The following ENOX1 variants were observed in gnomAD, a reference collection of about 807,000 sequenced individuals.
ENOX1 encodes the protein candidate growth-related and time keeping constitutive hydroquinone (NADH) oxidase.
In ENOX1, 42 loss-of-function variants were observed where a neutral mutation model predicts 82.5. That is an observed-to-expected ratio of 0.51 (90% confidence interval 0.40 to 0.66). The LOEUF (loss-of-function observed/expected upper bound fraction) is 0.66, where lower values mean the gene tolerates loss of function less well. ENOX1 is among the 30% of genes least tolerant of loss of function. ENOX1 has a pLI of 0.00. For synonymous variants in ENOX1, 271 were observed against 282.2 expected (o/e 0.96, Z 0.40); for missense variants, 608 against 811.6 (o/e 0.75, Z 3.05).
At position 43,768,420 on chromosome 13, in the gene ENOX1, AG is replaced by A. The variant is rs373126900; in HGVS notation, c.-285+18231del. Among the ~76,000 whole-genome samples the A allele has an allele frequency of 1.9e-3, 293 of 152,286 alleles. 2 individuals carry two copies. The highest frequency in any genetic ancestry group is 6.7e-3 in the African/African-American group (280 of 41,552). On this transcript the variant is annotated intron_variant, in intron 1 of 16. Coordinates refer to ENST00000690772, the MANE Select transcript of ENOX1 (RefSeq NM_001347969.2). ...AGTTTAAGACCAGCCTGGGCAACAT[AG>A]TGAGATCCTGTCTCTGCAACAAAAC...
At chr13:43,525,075 T>C (rs1484653424) in intron 2 of ENOX1, among the ~76,000 whole-genome samples, 1 of 152,176 alleles carries the variant, frequency 6.6e-6, no homozygotes, top group Admixed American at 6.5e-5. Flanking sequence ...TATTAAATAA[T>C]GTATATTTTT....
chr13:43,651,683 C>T (rs1024021448), intron 2 of ENOX1, among the ~76,000 whole-genome samples: 4 of 61,264 alleles, frequency 6.5e-5, no homozygotes, highest in South Asian at 5.1e-4. Context: ...GGCGACATAG[C>T]GAGACTCTGT....
At chr13:43,265,225 C>A (rs1051117695) in intron 14 of ENOX1, among the ~76,000 whole-genome samples, 173 bp downstream of exon 14, 1 of 152,186 alleles carries the variant, frequency 6.6e-6, no homozygotes, top group East Asian at 1.9e-4. Flanking sequence ...ATAAACTAGG[C>A]TGACAATAGC....
rs1199358931 is a variant in ENOX1, at chr13:43,315,240, A to C, written c.1261+7144T>G. ...ACCAGGTATTATTTTTATTCAAAAA[A>C]CAACTTTCATTTTTTAAAATGTTAC... On this transcript the variant is annotated intron_variant, in intron 11 of 16. Transcript: ENST00000690772. Among the ~76,000 whole-genome samples, 8 of 152,346 alleles carry C rather than the reference A, an allele frequency of 5.3e-5. No homozygotes were observed. The East Asian group carries it at 1.3e-3, about 26-fold the overall frequency.
chr13:43,226,856 C>T (rs967609985), intron 15 of ENOX1, among the ~76,000 whole-genome samples: 2 of 152,164 alleles, frequency 1.3e-5, no homozygotes, highest in Middle Eastern at 3.2e-3. Flanking sequence ...CGCAGCAGGG[C>T]TGAGACAGGG....
chr13:43,260,683 T>C (rs2044006399), intron 14 of ENOX1, among the ~76,000 whole-genome samples: 1 of 152,142 alleles, frequency 6.6e-6, no homozygotes, highest in South Asian at 2.1e-4. Context: ...TATATACATA[T>C]ATATTTACAA....
In ENOX1 at chr13:43,456,618, T is replaced by C. The variant is rs971794924; in HGVS notation, c.-75+27391A>G. Among the ~76,000 whole-genome samples the C allele has an allele frequency of 2.6e-5, 4 of 152,136 alleles. No individual in the cohort carries two copies. In the South Asian group the frequency reaches 8.3e-4, roughly 32 times the overall value. On this transcript the variant is annotated intron_variant, in intron 3 of 16. Transcript: ENST00000690772. ...GTTCCCTGGGAGCTATGTCAGGGAA[T>C]AGTCCAGGAGGGTTTCACCTGTTCT...
intron 5 of ENOX1, among the ~76,000 whole-genome samples, chr13:43,385,777 C>T (rs2052371769): frequency 6.6e-6 from 1 of 152,182 alleles, no homozygotes; most frequent in Non-Finnish European, 1.5e-5. Flanking sequence ...TACATCAAGA[C>T]ACATGTAGTG....
At chr13:43,759,288 C>T (rs535442901) in intron 1 of ENOX1, among the ~76,000 whole-genome samples, 5 of 151,840 alleles carry the variant, frequency 3.3e-5, no homozygotes, top group South Asian at 4.2e-4. Flanking sequence ...AGTAGAGACA[C>T]GGTTTCACCA....
intron 1 of ENOX1, among the ~76,000 whole-genome samples, chr13:43,770,686 TACACACACACACAC>T (rs149111203): frequency 1.7e-3 from 253 of 146,244 alleles, no homozygotes; most frequent in African/African-American, 5.4e-3. Context: ...TACGTATGTG[TACACACACACACAC>T]ACACACACAC....
intron 3 of ENOX1, among the ~76,000 whole-genome samples, chr13:43,469,081 T>C (rs1042452214): frequency 6.6e-6 from 1 of 152,212 alleles, no homozygotes; most frequent in Non-Finnish European, 1.5e-5. Context: ...AGTCTTTCAC[T>C]AATAACTGTA....
intron 14 of ENOX1, among the ~76,000 whole-genome samples, chr13:43,257,913 T>TG (rs1490334405): frequency 2.0e-5 from 3 of 152,246 alleles, no homozygotes; most frequent in Non-Finnish European, 4.4e-5. Flanking sequence ...TTGTTTCCTT[T>TG]GCCTGATTTT....
At chr13:43,748,595 G>A (rs777714727) in intron 1 of ENOX1, among the ~76,000 whole-genome samples, 1 of 152,000 alleles carries the variant, frequency 6.6e-6, no homozygotes, top group Non-Finnish European at 1.5e-5. Context: ...CCTGACCTTG[G>A]GCAAGTCGGT....
At chr13:43,515,631 A>C (rs376308388) in intron 2 of ENOX1, among the ~76,000 whole-genome samples, 35 of 152,296 alleles carry the variant, frequency 2.3e-4, no homozygotes, top group African/African-American at 7.0e-4. Flanking sequence ...GACTTCCCTC[A>C]AATTACACAC....
chr13:43,417,894 T>G (rs1370637364), intron 3 of ENOX1, among the ~76,000 whole-genome samples: 1 of 152,218 alleles, frequency 6.6e-6, no homozygotes. Context: ...ATATTTCATT[T>G]TCCACCATTC....
chr13:43,396,231 T>C (rs1042706634), intron 5 of ENOX1, among the ~76,000 whole-genome samples: 1 of 152,198 alleles, frequency 6.6e-6, no homozygotes, highest in Admixed American at 6.5e-5. Flanking sequence ...TCCTTGTTTC[T>C]TCAAAGTCTA....
chr13:43,616,138 C>CTATATAGATACATATCTATATA (rs1364614503), intron 2 of ENOX1, among the ~76,000 whole-genome samples: 1 of 21,636 alleles, frequency 4.6e-5, no homozygotes, highest in Non-Finnish European at 1.2e-4. Context: ...ATCTATCTAT[C>CTATATAGATACATATCTATATA]TAGATATCTA....
chr13:43,319,854 G>A (rs1030382297), intron 11 of ENOX1, among the ~76,000 whole-genome samples: 1 of 152,204 alleles, frequency 6.6e-6, no homozygotes, highest in African/African-American at 2.4e-5. Context: ...TACAGCACTG[G>A]CAATTCCCCT....
intron 3 of ENOX1, among the ~76,000 whole-genome samples, chr13:43,429,246 T>C (rs4561345): frequency 0.15 from 23,293 of 152,096 alleles, 2,273 homozygotes; most frequent in African/African-American, 0.27. Context: ...GAATAAAACA[T>C]TACTAGCAAA....
Sources: allele counts gnomAD v4.1 joint callset (sites outside exome capture counted in the v4.1 genomes callset), GRCh38; gene constraint gnomAD v4.1.1; transcripts MANE v1.5; gene names NCBI Gene and HGNC (gene_info 2026-07-23, HGNC 2026-07-21).